Variants in LIMCH1 observed in about 807,000 individuals in gnomAD.
The protein encoded by LIMCH1 is LIM and calponin homology domains 1.
Under a neutral mutation model 176.5 loss-of-function variants are expected in LIMCH1, and 113 were observed. That is an observed-to-expected ratio of 0.64 (90% CI 0.55 to 0.75). The LOEUF (loss-of-function observed/expected upper bound fraction) is 0.75, where lower values mean the gene tolerates loss of function less well. LIMCH1 is among the 30% of genes least tolerant of loss of function. The pLI, the probability that LIMCH1 is intolerant of heterozygous loss-of-function variation, is 0.00. For synonymous variants in LIMCH1, 619 were observed against 645.9 expected, an observed-to-expected ratio of 0.96 and a Z score of 0.63; for missense variants, 1,674 against 1,814.9, an observed-to-expected ratio of 0.92 and a Z score of 1.41.
intron 1 of LIMCH1, among the ~76,000 whole-genome samples, chr4:41,448,290 A>G (rs2063486258): frequency 6.6e-6 from 1 of 152,178 alleles, no homozygotes; most frequent in South Asian, 2.1e-4. Context: ...GACCAGCAAA[A>G]TCCCACCCCA....
intron 26 of LIMCH1, 112 bp from the exon 27 acceptor site, chr4:41,684,285 A>C (rs1718777209): frequency 1.2e-6 from 1 of 818,220 alleles, no homozygotes; most frequent in African/African-American, 1.7e-5. Flanking sequence ...AAAGAGTCCC[A>C]TCTCTTTTTT....
At chr4:41,440,745 C>A (rs1206471632) in intron 1 of LIMCH1, among the ~76,000 whole-genome samples, 1 of 152,096 alleles carries the variant, frequency 6.6e-6, no homozygotes, top group Non-Finnish European at 1.5e-5. Context: ...GTTGGCCAAC[C>A]TGGTCTCGAA....
intron 5 of LIMCH1, among the ~76,000 whole-genome samples, chr4:41,615,681 T>C (rs1300939820): frequency 6.6e-6 from 1 of 152,214 alleles, no homozygotes; most frequent in Non-Finnish European, 1.5e-5. Flanking sequence ...TGTTTTTAAA[T>C]GGTGCTGATT....
At chr4:41,519,235 A>T (rs2075885585) in intron 2 of LIMCH1, among the ~76,000 whole-genome samples, 1 of 152,200 alleles carries the variant, frequency 6.6e-6, no homozygotes, top group Non-Finnish European at 1.5e-5. Context: ...ACTAGTGAGC[A>T]TACCCCACGA....
intron 1 of LIMCH1, among the ~76,000 whole-genome samples, chr4:41,374,287 G>T (rs2054402001): frequency 6.6e-6 from 1 of 152,098 alleles, no homozygotes; most frequent in Non-Finnish European, 1.5e-5. Context: ...TATTTTAAAA[G>T]AAACTCCAAA....
intron 1 of LIMCH1, among the ~76,000 whole-genome samples, chr4:41,425,377 C>T (rs779151101): frequency 6.6e-6 from 1 of 152,146 alleles, no homozygotes. Flanking sequence ...GACGGAGTCT[C>T]ACTCTGTTGC....
intron 1 of LIMCH1, among the ~76,000 whole-genome samples, chr4:41,570,604 T>C (rs1462278524): frequency 1.3e-5 from 2 of 152,342 alleles, no homozygotes; most frequent in East Asian, 1.9e-4. Flanking sequence ...GAAATTATAA[T>C]TTCCACCATC....
Position 41,682,398 on chromosome 4 carries a change from G to C in LIMCH1, c.3783G>C (p.Gln1261His). 6.2e-7 allele frequency: 1 copy of C among 1,613,122 alleles called. No homozygotes were observed. Among genetic ancestry groups the C allele is most frequent in the Non-Finnish European group, 8.5e-7 (1 of 1,179,238 alleles). The change falls in exon 26 of 32, where the codon CAG (glutamine) becomes CAC (histidine). Residue 1261 changes from glutamine to histidine, a missense_variant. Physicochemically the swap from Gln to His is conservative, Grantham distance 24. Transcript: ENST00000503057. ...ACAGAAGATGGAAGAAATCATTCCA[G>C]GGAGATGACAGTGACTTATTGCTGA... ...KQDRRWKKSF[Q>H]GDDSDLLLKT...
chr4:41,576,681 C>T (rs1286036222), intron 1 of LIMCH1, among the ~76,000 whole-genome samples: 1 of 152,092 alleles, frequency 6.6e-6, no homozygotes, highest in African/African-American at 2.4e-5. Context: ...GCATGCTCTT[C>T]CCTTTCAAAA....
chr4:41,406,904 T>C (rs2059015445), intron 1 of LIMCH1, among the ~76,000 whole-genome samples: 1 of 152,182 alleles, frequency 6.6e-6, no homozygotes, highest in Non-Finnish European at 1.5e-5. Context: ...CTTGAGGAAA[T>C]ATGATTAAGA....
At chr4:41,548,505 T>C (rs1466661171) in intron 1 of LIMCH1, among the ~76,000 whole-genome samples, 1 of 152,220 alleles carries the variant, frequency 6.6e-6, no homozygotes, top group African/African-American at 2.4e-5. Flanking sequence ...TGGGCTGTTT[T>C]GTTTGATTAA....
intron 1 of LIMCH1, among the ~76,000 whole-genome samples, chr4:41,560,899 C>A (rs1027595192): frequency 6.6e-6 from 1 of 151,982 alleles, no homozygotes; most frequent in African/African-American, 2.4e-5. Context: ...TCCCCATAGT[C>A]CCAACTACTC....
chr4:41,642,519 A>G (rs2093867428), intron 14 of LIMCH1, among the ~76,000 whole-genome samples: 1 of 151,934 alleles, frequency 6.6e-6, no homozygotes, highest in African/African-American at 2.4e-5. Context: ...TCCTCTATCG[A>G]GGACTACAGT....
At chr4:41,513,845 A>G (rs1170126504) in intron 2 of LIMCH1, among the ~76,000 whole-genome samples, 8 of 147,672 alleles carry the variant, frequency 5.4e-5, no homozygotes, top group Non-Finnish European at 3.1e-5. Flanking sequence ...TTTCTACTAA[A>G]AAATATGAAA....
rs578185751 is a variant in LIMCH1, at chr4:41,515,154, G to A, written c.168-9255G>A. On this transcript the variant is annotated intron_variant, in intron 2 of 26. Coordinates refer to the LIMCH1 transcript ENST00000313860. ...ACGGCAAGTGAGGCTGGGGAGATGG[G>A]AGCCTTGAAAAGAGTTAAAGCCCAA... 3.3e-5 allele frequency among the ~76,000 whole-genome samples: 5 copies of A among 152,336 alleles called. No individual in the cohort carries two copies. The South Asian group carries it at 1.0e-3, about 32-fold the overall frequency.
At chr4:41,594,031 C>T (rs756192588) in intron 1 of LIMCH1, among the ~76,000 whole-genome samples, 6 of 152,152 alleles carry the variant, frequency 3.9e-5, no homozygotes, top group South Asian at 2.1e-4. Flanking sequence ...TGATAATTCA[C>T]CCCTAAATAA....
chr4:41,603,837 T>C (rs752628662), intron 2 of LIMCH1, 38 bp from the exon 3 acceptor site: 2 of 1,491,002 alleles, frequency 1.3e-6, no homozygotes, highest in South Asian at 2.3e-5. Context: ...TAGAATCTGC[T>C]ATTCTGACAA....
intron 3 of LIMCH1, among the ~76,000 whole-genome samples, chr4:41,530,429 C>T (rs1006866753): frequency 3.3e-5 from 5 of 152,200 alleles, no homozygotes; most frequent in African/African-American, 2.4e-5. Context: ...TTTACCTTCC[C>T]TCCAGTGGTT....
intron 2 of LIMCH1, among the ~76,000 whole-genome samples, chr4:41,515,153 G>A (rs1257088546): frequency 6.6e-6 from 1 of 152,230 alleles, no homozygotes; most frequent in African/African-American, 2.4e-5. Flanking sequence ...TGGGGAGATG[G>A]GAGCCTTGAA....
Sources: gnomAD v4.1 joint callset for allele counts (sites outside exome capture counted in the v4.1 genomes callset) on GRCh38, gnomAD v4.1.1 for gene constraint, MANE v1.5 for transcripts, NCBI Gene and HGNC (gene_info 2026-07-23, HGNC 2026-07-21) for gene names.